Variants in LRRC28 observed in about 807,000 individuals in gnomAD.
LRRC28 encodes the protein leucine rich repeat containing 28.
LRRC28 carries 39 observed loss-of-function variants against 45.7 expected under a neutral mutation model. The ratio of observed to expected loss-of-function variants is 0.85; its 90% confidence interval spans 0.66 to 1.12. The LOEUF (loss-of-function observed/expected upper bound fraction) is 1.12, where lower values mean the gene tolerates loss of function less well. Among genes scored for constraint, LRRC28 ranks in the 50% most tolerant of loss-of-function variants. LRRC28 has a pLI of 0.00. For missense variants in LRRC28, 435 were observed against 438.5 expected, an observed-to-expected ratio of 0.99 and a Z score of 0.07; for synonymous variants, 206 against 178.8, an observed-to-expected ratio of 1.15 and a Z score of -1.22.
At chr15:99,355,909 T>C (rs1272139491) in intron 7 of LRRC28, among the ~76,000 whole-genome samples, 2 of 152,198 alleles carry the variant, frequency 1.3e-5, no homozygotes, top group Middle Eastern at 3.2e-3. Context: ...TAAACCAGTA[T>C]ACTAAAAGTA....
intron 8 of LRRC28, 23 bp from the exon 9 acceptor site, chr15:99,363,083 C>T (rs1329832826): frequency 5.7e-6 from 9 of 1,588,554 alleles, no homozygotes; most frequent in East Asian, 2.3e-5. Flanking sequence ...TACTCGTGTG[C>T]GTGATTTTCT....
rs1350035900 is a variant in LRRC28, at chr15:99,386,366, G to A, written c.*264G>A. On this transcript the variant is annotated 3_prime_UTR_variant, in exon 10 of 10. Coordinates refer to ENST00000301981, the MANE Select transcript of LRRC28 (RefSeq NM_144598.5). ...TTACAGAAACCATTTAGATTGATGG[G>A]CCTCCCCAAATCTAATTTAAAGCAA... 5.7e-5 allele frequency: 21 copies of A among 367,852 alleles called. No homozygotes were observed. 22.8% of individuals were successfully genotyped at this position (367,852 alleles called of 1,614,324 possible). A position where few individuals can be genotyped will look rare whatever the true frequency, so the allele number is the denominator to read the frequency against.
chr15:99,289,887 T>C (rs1257338423), intron 5 of LRRC28, among the ~76,000 whole-genome samples: 9 of 134,990 alleles, frequency 6.7e-5, no homozygotes, highest in Middle Eastern at 4.1e-3. Context: ...GAGCCGAGAT[T>C]GCGCCACTGC....
At chr15:99,352,618 A>T (rs1023611033) in intron 7 of LRRC28, 147 bp downstream of exon 7, 3 of 573,938 alleles carry the variant, frequency 5.2e-6, no homozygotes, top group Non-Finnish European at 9.1e-6. Context: ...AATATTGCAC[A>T]TTGGGTTCAG....
intron 2 of LRRC28, chr15:99,258,336 A>G: frequency 7.0e-7 from 1 of 1,425,384 alleles, no homozygotes; most frequent in Non-Finnish European, 9.9e-7. Context: ...CCAAGAGGAA[A>G]CACTCTAGGA....
chr15:99,378,343 C>G lies in LRRC28; in HGVS notation c.1032-7687C>G, dbSNP rs144406229. Reference sequence around the variant, plus strand: ...GTTCACTCATGATTTGGCTTTCTGTCTGCTATTGGTGTATAAGAATGCTTG... The same window carrying G: ...GTTCACTCATGATTTGGCTTTCTGTGTGCTATTGGTGTATAAGAATGCTTG... On this transcript the variant is annotated intron_variant, in intron 9 of 9. Transcript: ENST00000301981. Among the ~76,000 whole-genome samples the G allele has an allele frequency of 5.5e-3, 838 of 151,376 alleles. 8 individuals carry two copies. The highest frequency in any genetic ancestry group is 0.02 in the African/African-American group (815 of 41,396).
intron 2 of LRRC28, among the ~76,000 whole-genome samples, chr15:99,268,889 T>C (rs2081400208): frequency 6.6e-6 from 1 of 152,262 alleles, no homozygotes; most frequent in Non-Finnish European, 1.5e-5. Context: ...TTGATGCTTG[T>C]AACCTCCAAC....
At chr15:99,259,859 G>C in intron 2 of LRRC28, 1 of 797,736 alleles carries the variant, frequency 1.3e-6, no homozygotes, top group Admixed American at 1.7e-5. Flanking sequence ...CCTTGCCTCA[G>C]TTTGAACACA....
At chr15:99,343,746 C>G (rs114052101) in intron 6 of LRRC28, among the ~76,000 whole-genome samples, 1 of 152,044 alleles carries the variant, frequency 6.6e-6, no homozygotes, top group Non-Finnish European at 1.5e-5. Context: ...GAAAACAAAC[C>G]GCCCCAGTGG....
chr15:99,371,353 G>A (rs922903357), intron 9 of LRRC28, among the ~76,000 whole-genome samples: 37 of 152,096 alleles, frequency 2.4e-4, no homozygotes, highest in Middle Eastern at 3.2e-3. Flanking sequence ...CTTCTGGGCC[G>A]GAGTGATTCT....
intron 5 of LRRC28, among the ~76,000 whole-genome samples, chr15:99,328,106 G>C (rs1296383309): frequency 3.3e-5 from 5 of 152,146 alleles, no homozygotes; most frequent in Non-Finnish European, 4.4e-5. Context: ...TTAAATGTGA[G>C]ACTTAATAGT....
At position 99,278,654 on chromosome 15, in the gene LRRC28, T is replaced by A. The variant is rs575396292; in HGVS notation, c.209+2038T>A. On this transcript the variant is annotated intron_variant, in intron 3 of 9. Transcript: ENST00000301981. ...GTAGTCTATTGTGTTAAGCAAATAT[T>A]CACCTTTTTAATTATCTATTGCTGC... Among the ~76,000 whole-genome samples, 7 of 152,378 alleles carry A rather than the reference T, an allele frequency of 4.6e-5. No individual in the cohort carries two copies. The East Asian group carries it at 1.3e-3, about 29-fold the overall frequency.
At chr15:99,285,277 G>A (rs2081927232) in intron 3 of LRRC28, 1 of 736,924 alleles carries the variant, frequency 1.4e-6, no homozygotes, top group African/African-American at 1.7e-5. Flanking sequence ...TCACAGTTAA[G>A]TAGGCACCTG....
chr15:99,376,650 C>T (rs1957644076), intron 9 of LRRC28, among the ~76,000 whole-genome samples: 1 of 152,080 alleles, frequency 6.6e-6, no homozygotes, highest in South Asian at 2.1e-4. Flanking sequence ...TCATTATTTA[C>T]ATTAGGTATA....
At chr15:99,321,844 T>G (rs1159692424) in intron 5 of LRRC28, among the ~76,000 whole-genome samples, 1 of 152,200 alleles carries the variant, frequency 6.6e-6, no homozygotes, top group African/African-American at 2.4e-5. Flanking sequence ...ATGAAATTTA[T>G]TTTCTAGTGG....
At chr15:99,276,650 G>T (rs1341959595) in intron 3 of LRRC28, 34 bp downstream of exon 3, 3 of 1,464,350 alleles carry the variant, frequency 2.0e-6, no homozygotes, top group Admixed American at 2.5e-5. Context: ...TTAAAGACAA[G>T]AATGAAAATA....
At chr15:99,358,431 GATAAA>G (rs1957106419) in intron 7 of LRRC28, among the ~76,000 whole-genome samples, 2 of 152,230 alleles carry the variant, frequency 1.3e-5, no homozygotes, top group African/African-American at 4.8e-5. Flanking sequence ...GGGAAATAGA[GATAAA>G]ATAATTGTAA....
intron 5 of LRRC28, among the ~76,000 whole-genome samples, chr15:99,295,731 A>T (rs938196127): frequency 1.1e-4 from 16 of 152,362 alleles, no homozygotes; most frequent in Admixed American, 2.6e-4. Flanking sequence ...CCAAAAAAGG[A>T]AGGATTTTTA....
intron 2 of LRRC28, among the ~76,000 whole-genome samples, chr15:99,271,191 A>G (rs1316536347): frequency 6.6e-6 from 1 of 150,674 alleles, no homozygotes; most frequent in Non-Finnish European, 1.5e-5. Flanking sequence ...ATTTGTAAGT[A>G]TTTTCTCCCA....
Sources: allele counts gnomAD v4.1 joint callset (sites outside exome capture counted in the v4.1 genomes callset), GRCh38; gene constraint gnomAD v4.1.1; transcripts MANE v1.5; gene names NCBI Gene and HGNC (gene_info 2026-07-23, HGNC 2026-07-21).